The following SEC62 variants were observed in gnomAD, a reference collection of about 807,000 sequenced individuals.
SEC62 encodes the protein translocation protein SEC62.
In SEC62, 10 loss-of-function variants were observed where a neutral mutation model predicts 47.5. That is an observed-to-expected ratio of 0.21 (90% CI 0.13 to 0.36). The LOEUF (loss-of-function observed/expected upper bound fraction) is 0.36, where lower values mean the gene tolerates loss of function less well. SEC62 is among the 10% of genes least tolerant of loss of function. The pLI, the probability that SEC62 is intolerant of heterozygous loss-of-function variation, is 1.00. For missense variants in SEC62, 327 were observed against 464.1 expected, an observed-to-expected ratio of 0.70 and a Z score of 2.71; for synonymous variants, 136 against 150.5, an observed-to-expected ratio of 0.90 and a Z score of 0.71.
intron 7 of SEC62, among the ~76,000 whole-genome samples, chr3:169,990,521 C>G (rs1320483656): frequency 6.6e-6 from 1 of 151,740 alleles, no homozygotes; most frequent in East Asian, 1.9e-4. Context: ...TTTGCCATAC[C>G]ATTTGTATGT....
intron 2 of SEC62, 42 bp downstream of exon 2, chr3:169,975,758 A>C (rs1307986155): frequency 7.3e-7 from 1 of 1,361,534 alleles, no homozygotes; most frequent in Non-Finnish European, 1.1e-6. Flanking sequence ...TACATATGTT[A>C]TGAAGTTAAC....
chr3:169,977,856 A>C (rs1030451783), intron 3 of SEC62, among the ~76,000 whole-genome samples: 2 of 152,232 alleles, frequency 1.3e-5, no homozygotes, highest in African/African-American at 4.8e-5. Context: ...AGTATCAGCC[A>C]CATAAGAACC....
intron 6 of SEC62, among the ~76,000 whole-genome samples, chr3:169,986,879 C>G (rs1163741456): frequency 6.6e-6 from 1 of 152,056 alleles, no homozygotes; most frequent in Non-Finnish European, 1.5e-5. Context: ...GCACACTCCA[C>G]TACACCCCGC....
chr3:169,982,794 A>G lies in SEC62; in HGVS notation c.339A>G (p.Gly113=). Residue 113 remains glycine (G), a synonymous_variant, in exon 4 of 8, where the codon GGA becomes GGG. Coordinates refer to ENST00000337002, the MANE Select transcript of SEC62 (RefSeq NM_003262.4). ...DKDIKKEKDK[G]KAESGKEEDK... ...ACATAAAGAAAGAAAAAGATAAAGG[A>G]AAAGCTGAAAGTGGAAAAGAAGAAG... 6.2e-7 allele frequency: 1 copy of G among 1,602,528 alleles called. No individual in the cohort carries two copies. Among genetic ancestry groups the G allele is most frequent in the South Asian group, 1.1e-5 (1 of 88,796 alleles).
Position 169,986,714 on chromosome 3 carries a change from A to T in SEC62, c.610+849A>T, listed in dbSNP as rs558808186. On this transcript the variant is annotated intron_variant, in intron 6 of 7. Transcript: ENST00000337002. ...GGAATAAGAATTAGATGAAGACTTA[A>T]TTTTCTCTATACCTTTTGATTTGCT... Among the ~76,000 whole-genome samples the T allele has an allele frequency of 7.6e-4, 116 of 152,118 alleles. 3 individuals are homozygous for T. The South Asian group carries it at 0.023, about 31-fold the overall frequency.
intron 1 of SEC62, among the ~76,000 whole-genome samples, chr3:169,970,833 A>G (rs1158223548): frequency 6.6e-6 from 1 of 152,198 alleles, no homozygotes; most frequent in East Asian, 1.9e-4. Flanking sequence ...TACTATTCCC[A>G]AAAGGCCTTC....
In SEC62 at chr3:169,993,041, A is replaced by C. The variant is rs141059280; in HGVS notation, c.1178A>C (p.Lys393Thr). 1.5e-5 allele frequency: 24 copies of C among 1,604,030 alleles called. No individual in the cohort carries two copies. The highest frequency in any genetic ancestry group is 1.7e-4 in the Middle Eastern group (1 of 6,036). ...GAGGAAAATGATGGAGAAACACCTA[A>C]ATCTTCACATGAAAAATCATAATCT... Reference protein sequence around the residue: ...EEEENDGETPKSSHEKS With the variant: ...EEEENDGETPTSSHEKS Residue 393 changes from lysine (K) to threonine (T), a missense_variant, in exon 8 of 8, where the codon AAA becomes ACA. Coordinates refer to ENST00000337002, the MANE Select transcript of SEC62 (RefSeq NM_003262.4).
intron 7 of SEC62, among the ~76,000 whole-genome samples, chr3:169,991,519 A>G (rs964692120): frequency 2.6e-5 from 4 of 152,076 alleles, no homozygotes; most frequent in Non-Finnish European, 4.4e-5. Context: ...TCAAGACCAG[A>G]CTGGGCAACT....
chr3:169,973,507 C>A (rs1180891674), intron 1 of SEC62, among the ~76,000 whole-genome samples: 2 of 151,740 alleles, frequency 1.3e-5, no homozygotes, highest in African/African-American at 2.4e-5. Context: ...ACAAAAAATA[C>A]AAAAAATTAG....
At chr3:169,981,377 G>A (rs1714969370) in intron 3 of SEC62, among the ~76,000 whole-genome samples, 1 of 152,128 alleles carries the variant, frequency 6.6e-6, no homozygotes, top group Non-Finnish European at 1.5e-5. Context: ...GTGCTTCAGG[G>A]GACTGAACAC....
chr3:169,990,696 A>C (rs1481843927), intron 7 of SEC62, among the ~76,000 whole-genome samples: 1 of 152,326 alleles, frequency 6.6e-6, no homozygotes, highest in East Asian at 1.9e-4. Flanking sequence ...TCTGTTTATC[A>C]GTGGAATTTA....
intron 1 of SEC62, among the ~76,000 whole-genome samples, chr3:169,973,956 T>C (rs1027265343): frequency 5.9e-5 from 9 of 152,214 alleles, no homozygotes; most frequent in Non-Finnish European, 1.3e-4. Flanking sequence ...AAACTTCCAC[T>C]TCATCTAACA....
At chr3:169,977,127 T>A (rs78653104) in intron 3 of SEC62, 76 bp downstream of exon 3, 2 of 895,630 alleles carry the variant, frequency 2.2e-6, no homozygotes, top group African/African-American at 3.4e-5. Context: ...CCTTACATCA[T>A]TAAATGTAGT....
At chr3:169,981,661 C>A (rs77304862) in intron 3 of SEC62, among the ~76,000 whole-genome samples, 2,632 of 152,198 alleles carry the variant, frequency 0.017, 83 homozygotes, top group African/African-American at 0.061. Context: ...ATAAGGGCAA[C>A]CCAATTTCTT....
At chr3:169,980,663 A>C (rs1480322041) in intron 3 of SEC62, among the ~76,000 whole-genome samples, 1 of 152,226 alleles carries the variant, frequency 6.6e-6, no homozygotes, top group African/African-American at 2.4e-5. Context: ...TTTATTAAGA[A>C]TCATTTTTTC....
intron 6 of SEC62, 131 bp from the exon 7 acceptor site, chr3:169,988,108 TA>T (rs1715151065): frequency 2.1e-6 from 2 of 963,802 alleles, no homozygotes; most frequent in Non-Finnish European, 1.5e-6. Flanking sequence ...TTTTTACCTA[TA>T]AAAATGGCAA....
At chr3:169,975,921 G>T (rs891754108) in intron 2 of SEC62, among the ~76,000 whole-genome samples, 1 of 152,134 alleles carries the variant, frequency 6.6e-6, no homozygotes, top group Non-Finnish European at 1.5e-5. Context: ...ACAATTGTTG[G>T]AAATTTTTTT....
chr3:169,985,480 G>C (rs1715083501), intron 5 of SEC62: 1 of 169,602 alleles, frequency 5.9e-6, no homozygotes, highest in African/African-American at 2.4e-5. Context: ...GACCTCAAGT[G>C]ATCTGCCCGC....
intron 5 of SEC62, chr3:169,985,174 C>T: frequency 6.6e-6 from 1 of 151,768 alleles, no homozygotes; most frequent in East Asian, 1.9e-4. Context: ...TTCATCATTA[C>T]ATTAGGGACA....
Sources: gnomAD v4.1 joint callset for allele counts (sites outside exome capture counted in the v4.1 genomes callset) on GRCh38, gnomAD v4.1.1 for gene constraint, MANE v1.5 for transcripts, NCBI Gene and HGNC (gene_info 2026-07-23, HGNC 2026-07-21) for gene names.